FGFR1: variants seen among roughly 807,000 people sequenced by gnomAD.
FGFR1 encodes FGFR1/PLAG1 fusion.
Under a neutral mutation model 93.7 loss-of-function variants are expected in FGFR1, and 18 were observed. The ratio of observed to expected loss-of-function variants is 0.19; its 90% CI spans 0.13 to 0.28. FGFR1 has a LOEUF of 0.28. Among genes scored for constraint, FGFR1 ranks in the 10% least tolerant of loss-of-function variants. The pLI is 1.00. For synonymous variants in FGFR1, 448 were observed against 429.3 expected, an observed-to-expected ratio of 1.04 and a Z score of -0.54; for missense variants, 731 against 1,080.4, an observed-to-expected ratio of 0.68 and a Z score of 4.53.
At chr8:38,422,668 C>T (rs1586253896) in intron 7 of FGFR1, 8 of 310,110 alleles carry the variant, frequency 2.6e-5, no homozygotes, top group Middle Eastern at 8.9e-4. Flanking sequence ...TCCCAAAGTG[C>T]TGGGATGACA....
rs2150658535 is a variant in FGFR1 at position 38,417,988 on chromosome 8, C to G, written c.1434G>C (p.Leu478=). The change falls in exon 11 of 18, where the codon CTG becomes CTC. Residue 478 remains leucine, a synonymous_variant. Transcript: ENST00000447712. ...DPRWELPRDR[L]VLGKPLGEGC... ...CCTCTCCCAGGGGTTTGCCTAAGAC[C>G]AGTCTTTCGGGGGAAACAGAGAGTG... is the stretch of plus-strand genomic sequence containing the variant. The G allele has an allele frequency of 6.2e-7, 1 of 1,614,214 alleles. No individual in the cohort carries two copies. Among genetic ancestry groups the G allele is most frequent in the Non-Finnish European group, 8.5e-7 (1 of 1,180,038 alleles).
At position 38,413,927 on chromosome 8, in the gene FGFR1, G is replaced by A. The variant is rs929334595; in HGVS notation, c.2283C>T (p.Thr761=). The change falls in exon 17 of 18, where the codon ACC becomes ACT. Residue 761 remains threonine, a synonymous_variant. Coordinates refer to ENST00000447712, the MANE Select transcript of FGFR1 (RefSeq NM_023110.3). The surrounding 1 kb of genome is among the most constrained non-coding windows in gnomAD (Gnocchi z 4.2). ...VEDLDRIVAL[T]SNQEYLDLSM... is the part of the protein sequence containing the mutation. ...GCACGGGCAGCCTTACCTGGTTGGA[G>A]GTCAAGGCCACGATGCGGTCCAGGT... The A allele has an allele frequency of 4.3e-6, 7 of 1,613,866 alleles. No homozygotes were observed. The African/African-American group carries it at 9.3e-5, about 22-fold the overall frequency.
In FGFR1 at chr8:38,455,905, C is replaced by A. The variant is rs554327921; in HGVS notation, c.91+1451G>T. Reference sequence around the variant, plus strand: ...CTTATCCCTGTACTTGCCCATCCCTCCTGACCATAAACTCCCTGTGGGCAG... The same window carrying A: ...CTTATCCCTGTACTTGCCCATCCCTACTGACCATAAACTCCCTGTGGGCAG... On this transcript the variant is annotated intron_variant, in intron 2 of 17. Coordinates refer to ENST00000447712, the MANE Select transcript of FGFR1 (RefSeq NM_023110.3). 2.6e-5 allele frequency among the ~76,000 whole-genome samples: 4 copies of A among 152,308 alleles called. No homozygotes were observed. In the East Asian group the frequency reaches 7.7e-4, roughly 29 times the overall value.
chr8:38,422,902 C>G (rs995212987), intron 7 of FGFR1: 15 of 634,558 alleles, frequency 2.4e-5, no homozygotes, highest in Non-Finnish European at 3.7e-5. Flanking sequence ...TTTTCCATGG[C>G]TCTGGGCACT....
intron 2 of FGFR1, among the ~76,000 whole-genome samples, chr8:38,437,536 C>G (rs949696139): frequency 6.6e-6 from 1 of 151,934 alleles, no homozygotes; most frequent in African/African-American, 2.4e-5. Flanking sequence ...AGAGGTTGGA[C>G]AAAATGACGG....
intron 7 of FGFR1, chr8:38,422,959 C>T (rs1819358500): frequency 1.3e-6 from 1 of 762,238 alleles, no homozygotes; most frequent in South Asian, 1.4e-5. Flanking sequence ...GGCTTCCCCG[C>T]CTGCCCCAGC....
At chr8:38,433,886 G>C (rs1410500082) in intron 2 of FGFR1, among the ~76,000 whole-genome samples, 2 of 151,676 alleles carry the variant, frequency 1.3e-5, no homozygotes, top group Non-Finnish European at 2.9e-5. Flanking sequence ...ACCATCCCTC[G>C]CCCCTCAAAA....
intron 2 of FGFR1, among the ~76,000 whole-genome samples, chr8:38,456,844 T>G (rs1411852628): frequency 6.6e-6 from 1 of 152,162 alleles, no homozygotes; most frequent in African/African-American, 2.4e-5. Context: ...GTGCTGAGGT[T>G]ACATGTGTGA....
At chr8:38,454,904 G>T (rs951141718) in intron 2 of FGFR1, among the ~76,000 whole-genome samples, 6 of 150,552 alleles carry the variant, frequency 4.0e-5, no homozygotes, top group Non-Finnish European at 5.9e-5. Context: ...AGCTGATAGT[G>T]TCACTACTTG....
intron 2 of FGFR1, among the ~76,000 whole-genome samples, chr8:38,451,206 C>T (rs968605516): frequency 1.3e-5 from 2 of 151,240 alleles, no homozygotes; most frequent in African/African-American, 4.8e-5. Context: ...GAATGAGAAG[C>T]AAACAAGTTC....
At chr8:38,433,515 A>G (rs1385046125) in intron 2 of FGFR1, among the ~76,000 whole-genome samples, 1 of 152,142 alleles carries the variant, frequency 6.6e-6, no homozygotes, top group Non-Finnish European at 1.5e-5. Flanking sequence ...TCACCATGTT[A>G]GCCAGGCTGT....
At chr8:38,450,985 C>T (rs915985044) in intron 2 of FGFR1, among the ~76,000 whole-genome samples, 7 of 152,174 alleles carry the variant, frequency 4.6e-5, no homozygotes, top group South Asian at 4.1e-4. Flanking sequence ...GCAAACACCC[C>T]TTCCAGGCAC....
In FGFR1 at chr8:38,417,942, A is replaced by G. The variant is rs2150654388; in HGVS notation, c.1480T>C (p.Leu494=). 1 of 1,614,164 alleles carries G rather than the reference A, an allele frequency of 6.2e-7. No homozygotes were observed. Among genetic ancestry groups the G allele is most frequent in the South Asian group, 1.1e-5 (1 of 91,066 alleles). Reference sequence around the variant, plus strand: ...TTGTCCAGCCCGATAGCCTCTGCCAACACCACCTGCCCAAAGCAGCCCTCT... The same window carrying G: ...TTGTCCAGCCCGATAGCCTCTGCCAGCACCACCTGCCCAAAGCAGCCCTCT... ...LGEGCFGQVV[L]AEAIGLDKDK... The change falls in exon 11 of 18, where the codon TTG becomes CTG. Residue 494 remains leucine, a synonymous_variant. Transcript: ENST00000447712.
Position 38,413,398 on chromosome 8 carries a change from C to T in FGFR1, c.*230G>A, listed in dbSNP as rs926103467. ...CAACATCTGGGAGGGGATGAAGTGG[C>T]TGGCAGCAAAGATCTGCCTCTTTGC... On this transcript the variant is annotated 3_prime_UTR_variant, in exon 18 of 18. Coordinates refer to ENST00000447712, the MANE Select transcript of FGFR1 (RefSeq NM_023110.3). This position sits in a 1 kb window ranked among gnomAD's most constrained non-coding sequence, Gnocchi z 4.2. 5.3e-6 allele frequency: 3 copies of T among 567,918 alleles called. No homozygotes were observed. The highest frequency in any genetic ancestry group is 2.4e-5 in the South Asian group (1 of 41,668). The allele number at this position is 567,918 out of a possible 1,614,324, so 35.2% of individuals were successfully genotyped here.
At chr8:38,440,349 G>C in intron 2 of FGFR1, 2 of 1,601,734 alleles carry the variant, frequency 1.2e-6, no homozygotes, top group Non-Finnish European at 1.7e-6. Context: ...GCATCTCACC[G>C]AAATCCCGGG....
chr8:38,450,070 C>A (rs1004236120), intron 2 of FGFR1, among the ~76,000 whole-genome samples: 4 of 152,246 alleles, frequency 2.6e-5, no homozygotes, highest in African/African-American at 9.6e-5. Context: ...GTGGCCCAGA[C>A]TCCAGCAGGC....
In FGFR1 at chr8:38,432,913, C is replaced by T. The variant is rs562398334; in HGVS notation, c.92-2965G>A. Among the ~76,000 whole-genome samples, 65 of 137,664 alleles carry T rather than the reference C, an allele frequency of 4.7e-4. 7 individuals are homozygous for T. The highest frequency in any genetic ancestry group is 2.4e-3 in the Admixed American group (33 of 13,850). 90.3% of individuals were successfully genotyped at this position (137,664 alleles called of 152,430 possible). A position where few individuals can be genotyped will look rare whatever the true frequency, so the allele number is the denominator to read the frequency against. On this transcript the variant is annotated intron_variant, in intron 2 of 17. Transcript: ENST00000447712. ...GGGCTGTCCCTCCCCACCGCGCCCC[C>T]CCCCCTCCCCAGTTGGGATGCTTTC...
intron 2 of FGFR1, among the ~76,000 whole-genome samples, chr8:38,439,749 C>A (rs746942791): frequency 6.6e-6 from 1 of 152,156 alleles, no homozygotes; most frequent in Non-Finnish European, 1.5e-5. Flanking sequence ...CAATCATCTC[C>A]ATCACTTTCC....
At chr8:38,420,816 G>A (rs1818470826) in intron 8 of FGFR1, among the ~76,000 whole-genome samples, 1 of 152,216 alleles carries the variant, frequency 6.6e-6, no homozygotes, top group Admixed American at 6.5e-5. Flanking sequence ...TGAGCCCAGA[G>A]AACGTCCCAA....
Sources: allele counts gnomAD v4.1 joint callset (sites outside exome capture counted in the v4.1 genomes callset), GRCh38; gene constraint gnomAD v4.1.1; non-coding constraint Gnocchi (gnomAD v3.1); transcripts MANE v1.5; gene names NCBI Gene and HGNC (gene_info 2026-07-23, HGNC 2026-07-21).